GRAMD2B: variants seen among roughly 807,000 people sequenced by gnomAD.
The protein encoded by GRAMD2B is GRAM domain-containing protein 2B.
In GRAMD2B, 41 loss-of-function variants were observed where a neutral mutation model predicts 59.2. The ratio of observed to expected loss-of-function variants is 0.69; its 90% CI spans 0.54 to 0.90. GRAMD2B has a LOEUF of 0.90. GRAMD2B is among the 40% of genes least tolerant of loss of function. GRAMD2B has a pLI of 0.00. For synonymous variants in GRAMD2B, 161 were observed against 182.7 expected (o/e 0.88, Z 0.96); for missense variants, 424 against 500.5 (o/e 0.85, Z 1.46).
intron 5 of GRAMD2B, among the ~76,000 whole-genome samples, chr5:126,476,199 G>T (rs566021259): frequency 4.1e-4 from 62 of 152,358 alleles, no homozygotes; most frequent in African/African-American, 1.4e-3. Context: ...CTTGAACCTG[G>T]GAGAAGGAGG....
intron 1 of GRAMD2B, among the ~76,000 whole-genome samples, chr5:126,417,099 A>T (rs1312142901): frequency 6.6e-6 from 1 of 152,184 alleles, no homozygotes; most frequent in African/African-American, 2.4e-5. Context: ...CAGAGGGCCT[A>T]ATCTATTATC....
intron 1 of GRAMD2B, among the ~76,000 whole-genome samples, chr5:126,386,376 T>G (rs1756132256): frequency 6.6e-6 from 1 of 152,230 alleles, no homozygotes; most frequent in Non-Finnish European, 1.5e-5. Context: ...GTAAGAATGA[T>G]AAGGGTTAGA....
Position 126,423,704 on chromosome 5 carries a change from C to G in GRAMD2B, c.83+15C>G, listed in dbSNP as rs201029255. Reference sequence around the variant, plus strand: ...GGCTCAGCCCAGTGAGTATTCTCAGCTGGGACCCATCCAAGGAGGTGGGAG... The same window carrying G: ...GGCTCAGCCCAGTGAGTATTCTCAGGTGGGACCCATCCAAGGAGGTGGGAG... On this transcript the variant is annotated intron_variant, in intron 1 of 13. Coordinates refer to ENST00000285689, the MANE Select transcript of GRAMD2B (RefSeq NM_023927.4). The G allele has an allele frequency of 8.8e-6, 14 of 1,596,770 alleles. No individual in the cohort carries two copies. The Admixed American group carries it at 1.6e-4, about 18-fold the overall frequency.
intron 6 of GRAMD2B, among the ~76,000 whole-genome samples, chr5:126,479,135 T>C (rs1170285190): frequency 6.6e-6 from 1 of 152,228 alleles, no homozygotes; most frequent in Non-Finnish European, 1.5e-5. Context: ...TTTTAATCTT[T>C]CATGAATTAT....
chr5:126,401,880 G>A (rs1191401346), intron 1 of GRAMD2B, among the ~76,000 whole-genome samples: 1 of 152,036 alleles, frequency 6.6e-6, no homozygotes, highest in East Asian at 1.9e-4. Context: ...GATTGACTCA[G>A]ACAATTAAAT....
chr5:126,435,229 T>C (rs1421323914), intron 1 of GRAMD2B, among the ~76,000 whole-genome samples: 1 of 152,196 alleles, frequency 6.6e-6, no homozygotes, highest in East Asian at 1.9e-4. Context: ...GATAAGAATT[T>C]CACAGTAATT....
intron 12 of GRAMD2B, among the ~76,000 whole-genome samples, chr5:126,487,892 G>A (rs6865082): frequency 0.71 from 108,124 of 152,040 alleles, 38,879 homozygotes; most frequent in East Asian, 0.98. Flanking sequence ...ATTTGCATCA[G>A]AATTATCTAG....
intron 1 of GRAMD2B, among the ~76,000 whole-genome samples, chr5:126,391,633 T>C (rs541566297): frequency 6.6e-6 from 1 of 152,326 alleles, no homozygotes; most frequent in East Asian, 1.9e-4. Context: ...AGTACTATTA[T>C]ATGCCACAAC....
chr5:126,481,204 AAAGAAAGAAAGAAAGAAAGAAAG>A (rs1372267298), intron 8 of GRAMD2B, among the ~76,000 whole-genome samples: 76 of 2,898 alleles, frequency 0.026, no homozygotes, highest in South Asian at 0.24. Flanking sequence ...AAAAAAAAAA[AAAGAAAGAAAGAAAGAAAGAAAG>A]AAAGAAAGAA....
chr5:126,403,617 T>C (rs1758014193), intron 1 of GRAMD2B, among the ~76,000 whole-genome samples: 1 of 151,970 alleles, frequency 6.6e-6, no homozygotes, highest in Non-Finnish European at 1.5e-5. Flanking sequence ...GAAAAAATTT[T>C]AACAGTTTAA....
upstream of GRAMD2B, among the ~76,000 whole-genome samples, chr5:126,420,223 T>C (rs1221535457): frequency 6.6e-6 from 1 of 152,122 alleles, no homozygotes; most frequent in African/African-American, 2.4e-5. Context: ...TTTTATCTTG[T>C]CTCCTCTCAC....
At position 126,379,249 on chromosome 5, in the gene GRAMD2B, G is replaced by T. The variant is rs185984024; in HGVS notation, c.125+7682G>T. On this transcript the variant is annotated intron_variant, in intron 1 of 8. Coordinates refer to the GRAMD2B transcript ENST00000506445. ...ATGCCATTATTTCATTCCTTTTTGT[G>T]GCTGAGTAGTATCCCATGGTATATA... is the stretch of plus-strand genomic sequence containing the variant. Among the ~76,000 whole-genome samples, 430 of 152,134 alleles carry T rather than the reference G, an allele frequency of 2.8e-3. 1 individual carries two copies. The highest frequency in any genetic ancestry group is 0.01 in the African/African-American group (415 of 41,486).
intron 4 of GRAMD2B, among the ~76,000 whole-genome samples, chr5:126,472,662 CCTT>C (rs10538237): frequency 0.21 from 31,243 of 152,004 alleles, 3,645 homozygotes; most frequent in Non-Finnish European, 0.27. Flanking sequence ...AAACTCACAT[CCTT>C]AGACATGGAC....
chr5:126,379,101 T>G (rs1755445799), intron 1 of GRAMD2B, among the ~76,000 whole-genome samples: 1 of 151,564 alleles, frequency 6.6e-6, no homozygotes. Context: ...TGTATCATTC[T>G]TAAGCCTTTG....
intron 2 of GRAMD2B, 55 bp from the exon 3 acceptor site, chr5:126,469,622 A>G (rs1769161411): frequency 1.6e-6 from 2 of 1,269,052 alleles, no homozygotes; most frequent in Non-Finnish European, 1.1e-6. Flanking sequence ...GCAACAGAGC[A>G]AAACTGTCTC....
chr5:126,468,730 C>T (rs144277962), intron 2 of GRAMD2B, among the ~76,000 whole-genome samples: 7,882 of 152,068 alleles, frequency 0.052, 286 homozygotes, highest in African/African-American at 0.1. Flanking sequence ...TCAGGTGGTC[C>T]GCCCACCTTG....
At chr5:126,430,693 A>G (rs937019808) in intron 1 of GRAMD2B, among the ~76,000 whole-genome samples, 1 of 152,198 alleles carries the variant, frequency 6.6e-6, no homozygotes, top group Non-Finnish European at 1.5e-5. Context: ...TCACAAGAAA[A>G]AAAGAAAAAG....
intron 1 of GRAMD2B, among the ~76,000 whole-genome samples, chr5:126,433,220 T>C (rs1761870677): frequency 6.6e-6 from 1 of 152,244 alleles, no homozygotes; most frequent in African/African-American, 2.4e-5. Context: ...TTTACAGATA[T>C]ACATATAATA....
chr5:126,446,146 T>C (rs979937044), intron 1 of GRAMD2B, among the ~76,000 whole-genome samples: 1 of 152,228 alleles, frequency 6.6e-6, no homozygotes, highest in African/African-American at 2.4e-5. Context: ...TAAAAATCAA[T>C]TACAATTTTT....
Sources: gnomAD v4.1 joint callset for allele counts (sites outside exome capture counted in the v4.1 genomes callset) on GRCh38, gnomAD v4.1.1 for gene constraint, MANE v1.5 for transcripts, NCBI Gene and HGNC (gene_info 2026-07-23, HGNC 2026-07-21) for gene names.